Variants in ZZEF1 observed in about 807,000 individuals in gnomAD.
ZZEF1 encodes the protein zinc finger ZZ-type and EF-hand domain containing 1, also known as zinc finger ZZ-type and EF-hand domain-containing protein 1.
ZZEF1 carries 157 observed loss-of-function variants against 342.8 expected under a neutral mutation model. The ratio of observed to expected loss-of-function variants is 0.46; its 90% CI spans 0.40 to 0.52. The LOEUF is 0.52. ZZEF1 is among the 20% of genes least tolerant of loss of function. The pLI is 0.00. For missense variants in ZZEF1, 3,480 were observed against 3,725.6 expected (o/e 0.93, Z 1.72); for synonymous variants, 1,505 against 1,429.1 (o/e 1.05, Z -1.20).
Position 4,142,609 on chromosome 17 carries a change from G to A in ZZEF1, c.287C>T (p.Thr96Ile), listed in dbSNP as rs776644222. The change falls in exon 1 of 55, where the codon ACT (threonine) becomes ATT (isoleucine). Residue 96 changes from threonine (T) to isoleucine (I), a missense_variant. Thr to Ile is a moderately conservative substitution (Grantham distance 89). Coordinates refer to ENST00000381638, the MANE Select transcript of ZZEF1 (RefSeq NM_015113.4). Reference protein sequence around the residue: ...ERLGRGEESVTLEQFRELLEA... With the variant: ...ERLGRGEESVILEQFRELLEA... ...CAGCAGCTCCCGGAACTGCTCCAGAGTGACAGACTCTTCGCCGCGGCCCAG... is the reference window on the plus strand; with the variant it reads ...CAGCAGCTCCCGGAACTGCTCCAGAATGACAGACTCTTCGCCGCGGCCCAG... The A allele has an allele frequency of 3.7e-6, 6 of 1,605,540 alleles. No individual in the cohort carries two copies. Among genetic ancestry groups the A allele is most frequent in the Non-Finnish European group, 4.2e-6 (5 of 1,179,762 alleles).
chr17:4,019,442 C>G (rs1277584477), intron 46 of ZZEF1, among the ~76,000 whole-genome samples: 3 of 152,176 alleles, frequency 2.0e-5, no homozygotes, highest in Admixed American at 6.6e-5. Context: ...CTCTCAGAGG[C>G]CGACTACAAA....
In ZZEF1 at chr17:4,123,856, T is replaced by C. The variant is rs773665950; in HGVS notation, c.499+51A>G. 5 of 1,593,640 alleles carry C rather than the reference T, an allele frequency of 3.1e-6. No homozygotes were observed. In the East Asian group the frequency reaches 1.1e-4, roughly 36 times the overall value. On this transcript the variant is annotated intron_variant, in intron 2 of 54. Coordinates refer to ENST00000381638, the MANE Select transcript of ZZEF1 (RefSeq NM_015113.4). ...AATTTTGCCTAATTTCAATCAGTAGTATAGCAAAGTTCACTTTGGTTCTAA... is the reference window on the plus strand; with the variant it reads ...AATTTTGCCTAATTTCAATCAGTAGCATAGCAAAGTTCACTTTGGTTCTAA...
At chr17:4,129,150 T>C (rs1488729889) in intron 1 of ZZEF1, among the ~76,000 whole-genome samples, 2 of 152,178 alleles carry the variant, frequency 1.3e-5, no homozygotes, top group Non-Finnish European at 2.9e-5. Flanking sequence ...TATAATTCAG[T>C]AGGTCTTAGA....
In ZZEF1 at chr17:4,009,781, G is replaced by C. The variant is rs746880192; in HGVS notation, c.8580-24C>G. On this transcript the variant is annotated intron_variant, in intron 52 of 54. Coordinates refer to ENST00000381638, the MANE Select transcript of ZZEF1 (RefSeq NM_015113.4). ...CACTGCAGGAGGAGCCCCGGAGGTG[G>C]TCAGTTTACTGAGAGCCATGCCAAG... 7.1e-5 allele frequency: 115 copies of C among 1,610,644 alleles called. 1 individual carries two copies. The South Asian group carries it at 1.1e-3, about 16-fold the overall frequency.
chr17:4,060,938 C>T (rs564602631), intron 30 of ZZEF1, among the ~76,000 whole-genome samples: 1 of 152,336 alleles, frequency 6.6e-6, no homozygotes, highest in East Asian at 1.9e-4. Context: ...GTTTCCTTAT[C>T]ACTGATTCAT....
rs548721442 is a variant in ZZEF1, at chr17:4,064,776, T to C, written c.4303A>G (p.Ile1435Val). The change falls in exon 29 of 55, where the codon ATA (isoleucine) becomes GTA (valine). Residue 1435 changes from isoleucine (I) to valine (V), a missense_variant. This residue lies in a region of ZZEF1 where 1,528 missense variants were observed against 1,624.1 expected (regional missense o/e 0.94). Coordinates refer to ENST00000381638, the MANE Select transcript of ZZEF1 (RefSeq NM_015113.4). ...LLLLKFLPTG[I>V]SSKESCEKLE... ...TTTTCGCAGCTTTCTTTTGAACTTA[T>C]GCCCGTGGGCAGAAATTTTAGTAAT... The C allele has an allele frequency of 1.1e-5, 17 of 1,610,776 alleles. No individual in the cohort carries two copies. The South Asian group carries it at 1.1e-4, about 10-fold the overall frequency.
At position 4,006,398 on chromosome 17, in the gene ZZEF1, G is replaced by C. The variant is rs1486088143; in HGVS notation, c.*492C>G. ...TTGGGGATCACTGGTGGCTAGGAGG[G>C]GCTCTCGCCAGTTTTGGTTTGGTGT... On this transcript the variant is annotated 3_prime_UTR_variant, in exon 55 of 55. Coordinates refer to ENST00000381638, the MANE Select transcript of ZZEF1 (RefSeq NM_015113.4). The C allele has an allele frequency of 9.2e-6, 2 of 218,240 alleles. No individual in the cohort carries two copies. The highest frequency in any genetic ancestry group is 1.9e-5 in the Non-Finnish European group (2 of 108,038). The allele number at this position is 218,240 out of a possible 1,614,324, so 13.5% of individuals were successfully genotyped here.
intron 44 of ZZEF1, 21 bp from the exon 45 acceptor site, chr17:4,021,341 G>C: frequency 1.3e-6 from 2 of 1,578,680 alleles, no homozygotes. Context: ...AGAAAATCCA[G>C]CTGAATGTGA....
rs184801919 is a variant in ZZEF1 at position 4,059,234 on chromosome 17, G to A, written c.4940C>T (p.Thr1647Ile). The A allele has an allele frequency of 9.9e-6, 16 of 1,608,128 alleles. No individual in the cohort carries two copies. The highest frequency in any genetic ancestry group is 1.3e-5 in the Non-Finnish European group (15 of 1,179,060). Residue 1647 changes from threonine to isoleucine, a missense_variant, in exon 31 of 55, where the codon ACT (threonine) becomes ATT (isoleucine). Coordinates refer to ENST00000381638, the MANE Select transcript of ZZEF1 (RefSeq NM_015113.4). ...GADLHKEIRD[T>I]YYQLVLFLVK... ...CAAAAACAGAACAAGTTGATAGTAA[G>A]TGTCTCGAATTTCTTTGTGTAGATC... is the stretch of plus-strand genomic sequence containing the variant.
chr17:4,021,889 C>A (rs1376869587), intron 44 of ZZEF1, among the ~76,000 whole-genome samples: 1 of 150,740 alleles, frequency 6.6e-6, no homozygotes, highest in Non-Finnish European at 1.5e-5. Context: ...AGAAAATACA[C>A]AAAACGCTAA....
chr17:4,021,313 G>T lies in ZZEF1; in HGVS notation c.7220C>A (p.Ser2407Tyr). ...TWLLRDLEIL[S>Y]IMLYSSKKEI... Reference sequence around the variant, plus strand: ...CTTTTTTGAGGAGTACAGCATGATGGACAAAATCTACACAGAAAGAAAATC... The same window carrying T: ...CTTTTTTGAGGAGTACAGCATGATGTACAAAATCTACACAGAAAGAAAATC... The change falls in exon 45 of 55, where the codon TCC becomes TAC. Residue 2407 changes from serine (S) to tyrosine (Y), a missense_variant. This residue lies in a region of ZZEF1 where 1,269 missense variants were observed against 1,342.4 expected (regional missense o/e 0.95). Coordinates refer to ENST00000381638, the MANE Select transcript of ZZEF1 (RefSeq NM_015113.4). The T allele has an allele frequency of 6.3e-7, 1 of 1,596,024 alleles. No homozygotes were observed. The highest frequency in any genetic ancestry group is 1.3e-5 in the African/African-American group (1 of 74,178).
In ZZEF1 at chr17:4,064,781, G is replaced by A. The variant is rs755591791; in HGVS notation, c.4298C>T (p.Thr1433Met). ...KSLLLLKFLP[T>M]GISSKESCEK... Reference sequence around the variant, plus strand: ...GCAGCTTTCTTTTGAACTTATGCCCGTGGGCAGAAATTTTAGTAATAGAAG... The same window carrying A: ...GCAGCTTTCTTTTGAACTTATGCCCATGGGCAGAAATTTTAGTAATAGAAG... Residue 1433 changes from threonine to methionine, a missense_variant, in exon 29 of 55, where the codon ACG becomes ATG. Coordinates refer to ENST00000381638, the MANE Select transcript of ZZEF1 (RefSeq NM_015113.4). The A allele has an allele frequency of 3.7e-6, 6 of 1,609,316 alleles. No homozygotes were observed. The highest frequency in any genetic ancestry group is 1.3e-5 in the African/African-American group (1 of 74,584).
intron 39 of ZZEF1, among the ~76,000 whole-genome samples, chr17:4,041,581 A>G (rs1430389662): frequency 1.3e-5 from 2 of 152,228 alleles, no homozygotes; most frequent in Non-Finnish European, 2.9e-5. Flanking sequence ...AAAGTGGGAG[A>G]CTACTGTAAA....
chr17:4,081,252 A>G (rs974908833), intron 18 of ZZEF1, 124 bp downstream of exon 18: 3 of 815,686 alleles, frequency 3.7e-6, no homozygotes, highest in South Asian at 1.6e-5. Context: ...AACAACAACA[A>G]CAGAAAAAAC....
intron 1 of ZZEF1, among the ~76,000 whole-genome samples, chr17:4,138,177 C>A (rs1052655643): frequency 5.3e-5 from 8 of 152,148 alleles, no homozygotes; most frequent in African/African-American, 1.7e-4. Flanking sequence ...GGGCTCCCGG[C>A]TGAAGGCAAG....
At chr17:4,042,617 T>C (rs1364185178) in intron 38 of ZZEF1, 49 bp from the exon 39 acceptor site, 2 of 1,589,608 alleles carry the variant, frequency 1.3e-6, no homozygotes, top group African/African-American at 2.7e-5. Flanking sequence ...TCCACATGTA[T>C]GAAGAGGCAA....
intron 24 of ZZEF1, among the ~76,000 whole-genome samples, chr17:4,073,878 C>CA (rs2057557129): frequency 1.3e-5 from 2 of 151,636 alleles, no homozygotes; most frequent in South Asian, 2.1e-4. Flanking sequence ...CACCTACTTG[C>CA]AAAAAAATGA....
At chr17:4,032,015 T>TA (rs1555581005) in intron 42 of ZZEF1, 111 bp downstream of exon 42, 37 of 1,228,668 alleles carry the variant, frequency 3.0e-5, no homozygotes, top group East Asian at 1.2e-4. Context: ...AACTTGTTCT[T>TA]TAAAAAAATC....
intron 54 of ZZEF1, 35 bp from the exon 55 acceptor site, chr17:4,007,005 G>A (rs1393181561): frequency 1.4e-5 from 21 of 1,541,530 alleles, no homozygotes; most frequent in Non-Finnish European, 1.4e-5. Context: ...CCAATGTCGG[G>A]AGCCACTCCC....
Sources: gnomAD v4.1 joint callset for allele counts (sites outside exome capture counted in the v4.1 genomes callset) on GRCh38, gnomAD v4.1.1 for gene constraint, gnomAD v4.1.1 regional missense constraint, MANE v1.5 for transcripts, NCBI Gene and HGNC (gene_info 2026-07-23, HGNC 2026-07-21) for gene names.